Variants in TNPO1 observed in about 807,000 individuals in gnomAD.
TNPO1 encodes transportin 1.
In TNPO1, 8 loss-of-function variants were observed where a neutral mutation model predicts 119.5. The ratio of observed to expected loss-of-function variants is 0.07; its 90% CI spans 0.04 to 0.12. The LOEUF is 0.12. Among genes scored for constraint, TNPO1 ranks in the 10% least tolerant of loss-of-function variants. The probability of loss-of-function intolerance (pLI) is 1.00; values close to 1 mark genes in which losing one functional copy is unlikely to be tolerated. For synonymous variants in TNPO1, 362 were observed against 363.0 expected (o/e 1.00, Z 0.03); for missense variants, 576 against 1,089.8 (o/e 0.53, Z 6.64).
At chr5:72,854,085 T>C (rs925644853) in intron 3 of TNPO1, among the ~76,000 whole-genome samples, 7 of 152,234 alleles carry the variant, frequency 4.6e-5, no homozygotes, top group Non-Finnish European at 1.0e-4. Flanking sequence ...AACAAAGTCA[T>C]GCCATTTAAA....
At chr5:72,886,970 A>G (rs953208256) in intron 11 of TNPO1, 100 bp from the exon 12 acceptor site, 1 of 1,072,900 alleles carries the variant, frequency 9.3e-7, no homozygotes, top group Non-Finnish European at 1.2e-6. Context: ...TTATTTTAAA[A>G]CTCCGTATTA....
Position 72,888,279 on chromosome 5 carries a change from A to G in TNPO1, c.1505A>G (p.Lys502Arg). Residue 502 changes from lysine to arginine, a missense_variant, in exon 13 of 25, where the codon AAG (lysine) becomes AGG (arginine). Around this residue, in one of 6 missense-constraint regions of TNPO1, gnomAD observed 310 missense variants for 583.0 expected, o/e 0.53. Transcript: ENST00000337273. ...ELLKRILDSN[K>R]RVQEAACSAF... Reference sequence around the variant, plus strand: ...CTAAAGCGCATCCTGGACAGCAACAAGAGAGTACAAGAAGCTGCCTGCAGG... The same window carrying G: ...CTAAAGCGCATCCTGGACAGCAACAGGAGAGTACAAGAAGCTGCCTGCAGG... 1.2e-6 allele frequency: 2 copies of G among 1,614,192 alleles called. No homozygotes were observed. Among genetic ancestry groups the G allele is most frequent in the Non-Finnish European group, 1.7e-6 (2 of 1,180,016 alleles).
At chr5:72,894,393 C>T (rs941894308) in intron 18 of TNPO1, among the ~76,000 whole-genome samples, 4 of 150,804 alleles carry the variant, frequency 2.7e-5, no homozygotes, top group South Asian at 2.1e-4. Flanking sequence ...TTAATACAGC[C>T]GGGCACGGCG....
At chr5:72,893,837 A>T in intron 18 of TNPO1, 134 bp downstream of exon 18, 4 of 857,286 alleles carry the variant, frequency 4.7e-6, no homozygotes, top group Non-Finnish European at 7.2e-6. Context: ...GGTTAAAGTA[A>T]ACTTGCTGTG....
At chr5:72,860,584 G>A (rs1746364828) in intron 4 of TNPO1, among the ~76,000 whole-genome samples, 1 of 152,232 alleles carries the variant, frequency 6.6e-6, no homozygotes, top group Non-Finnish European at 1.5e-5. Context: ...CAGTGAGCAT[G>A]GGCCACCCAG....
chr5:72,848,315 G>GA (rs1425625508), intron 1 of TNPO1, 70 bp from the exon 2 acceptor site: 1 of 1,452,820 alleles, frequency 6.9e-7, no homozygotes, highest in East Asian at 2.7e-5. Flanking sequence ...CTGCGCGCGG[G>GA]AAGCCTCTGG....
chr5:72,884,011 A>G (rs2112424955), intron 11 of TNPO1, among the ~76,000 whole-genome samples: 1 of 152,262 alleles, frequency 6.6e-6, no homozygotes, highest in East Asian at 1.9e-4. Context: ...TGCCCTCCCA[A>G]AGTGCTAGGA....
intron 4 of TNPO1, among the ~76,000 whole-genome samples, chr5:72,861,555 TC>T (rs1418085879): frequency 6.6e-6 from 1 of 152,084 alleles, no homozygotes; most frequent in African/African-American, 2.4e-5. Flanking sequence ...GCGCATACCA[TC>T]ACGCCCAGCT....
At chr5:72,863,277 C>T (rs913512793) in intron 5 of TNPO1, among the ~76,000 whole-genome samples, 2 of 151,986 alleles carry the variant, frequency 1.3e-5, no homozygotes, top group Admixed American at 1.3e-4. Context: ...CAGGAATAAC[C>T]TGTCAACAAC....
At chr5:72,889,468 A>C (rs1248248904) in intron 13 of TNPO1, among the ~76,000 whole-genome samples, 2 of 151,850 alleles carry the variant, frequency 1.3e-5, no homozygotes, top group Admixed American at 1.3e-4. Context: ...TTATTCATTC[A>C]GTACCTCGGT....
intron 12 of TNPO1, among the ~76,000 whole-genome samples, chr5:72,887,855 G>C (rs1470817415): frequency 6.6e-6 from 1 of 152,170 alleles, no homozygotes; most frequent in Admixed American, 6.6e-5. Flanking sequence ...TTTTGTCCTG[G>C]CAGTAAACAT....
At position 72,900,669 on chromosome 5, in the gene TNPO1, A is replaced by AT. The variant is rs757929231; in HGVS notation, c.2415-302dup. 2.2e-4 allele frequency among the ~76,000 whole-genome samples: 33 copies of AT among 152,212 alleles called. No individual in the cohort carries two copies. In the South Asian group the frequency reaches 2.9e-3, roughly 13 times the overall value. On this transcript the variant is annotated intron_variant, in intron 21 of 24. Coordinates refer to ENST00000337273, the MANE Select transcript of TNPO1 (RefSeq NM_002270.4). ...GTCATGAGTACAATTTTAAAAGTTA[A>AT]TTTGGTAATTTGTTCTTCTTGGCTC...
chr5:72,841,265 C>T (rs1178723711), intron 1 of TNPO1, among the ~76,000 whole-genome samples: 1 of 151,950 alleles, frequency 6.6e-6, no homozygotes, highest in Non-Finnish European at 1.5e-5. Context: ...TTACAGGCGC[C>T]CGCTACCACA....
intron 9 of TNPO1, among the ~76,000 whole-genome samples, chr5:72,881,699 G>T (rs1057187967): frequency 1.3e-5 from 2 of 152,100 alleles, no homozygotes; most frequent in Non-Finnish European, 2.9e-5. Flanking sequence ...ACTTAGGCTC[G>T]TAAAGAAAGC....
At chr5:72,896,968 G>C (rs1433375209) in intron 19 of TNPO1, 88 bp from the exon 20 acceptor site, 12 of 656,860 alleles carry the variant, frequency 1.8e-5, no homozygotes, top group Non-Finnish European at 2.7e-5. Flanking sequence ...ACATGTCAGA[G>C]TTAATACGGG....
At chr5:72,872,308 A>G (rs770579286) in intron 6 of TNPO1, among the ~76,000 whole-genome samples, 35 of 152,168 alleles carry the variant, frequency 2.3e-4, no homozygotes, top group Admixed American at 5.9e-4. Flanking sequence ...ATGTTTACCT[A>G]TCATTTTTAA....
chr5:72,840,702 T>A (rs987219076), intron 1 of TNPO1, among the ~76,000 whole-genome samples: 2 of 152,226 alleles, frequency 1.3e-5, no homozygotes, highest in Admixed American at 6.5e-5. Context: ...CTCTTTTTTT[T>A]AATGTTGATT....
intron 1 of TNPO1, 199 bp downstream of exon 1, chr5:72,816,951 C>A: frequency 3.5e-6 from 2 of 568,346 alleles, no homozygotes; most frequent in South Asian, 2.8e-5. Flanking sequence ...CCTGCGGGAC[C>A]CGGGTAGGGA....
intron 5 of TNPO1, among the ~76,000 whole-genome samples, chr5:72,865,372 G>A (rs1389784946): frequency 6.7e-6 from 1 of 149,884 alleles, no homozygotes; most frequent in Non-Finnish European, 1.5e-5. Context: ...AACCCGGGAG[G>A]CAGAAGTTGC....
Sources: allele counts gnomAD v4.1 joint callset (sites outside exome capture counted in the v4.1 genomes callset), GRCh38; gene constraint gnomAD v4.1.1; regional missense constraint gnomAD v4.1.1; transcripts MANE v1.5; gene names NCBI Gene and HGNC (gene_info 2026-07-23, HGNC 2026-07-21).